The following ADAP1 variants were observed in gnomAD, a reference collection of about 807,000 sequenced individuals.
ADAP1 encodes the protein ArfGAP with dual PH domains 1.
In ADAP1, 31 loss-of-function variants were observed where a neutral mutation model predicts 54.9. The ratio of observed to expected loss-of-function variants is 0.56; its 90% CI spans 0.42 to 0.76. The LOEUF (loss-of-function observed/expected upper bound fraction) is 0.76, where lower values mean the gene tolerates loss of function less well. ADAP1 is among the 30% of genes least tolerant of loss of function. The pLI is 0.00. For missense variants in ADAP1, 535 were observed against 512.4 expected, an observed-to-expected ratio of 1.04 and a Z score of -0.42; for synonymous variants, 313 against 202.6, an observed-to-expected ratio of 1.55 and a Z score of -4.63.
rs1223032714 is a variant in ADAP1, at chr7:898,129, G to A, written c.*792C>T. 1.3e-5 allele frequency: 2 copies of A among 152,346 alleles called. No individual in the cohort carries two copies. Among genetic ancestry groups the A allele is most frequent in the African/African-American group, 2.4e-5 (1 of 41,464 alleles). The allele number at this position is 152,346 out of a possible 1,614,324, so 9.4% of individuals were successfully genotyped here. A position where few individuals can be genotyped will look rare whatever the true frequency, so the allele number is the denominator to read the frequency against. The stretch of plus-strand genomic sequence containing the variant: ...CCTGGAGCCCGGCCTGCCTTGACAG[G>A]AAGGAGATAGGTGAAAAATAAATAC... On this transcript the variant is annotated 3_prime_UTR_variant, in exon 11 of 11. Transcript: ENST00000265846.
chr7:927,319 C>A (rs370637086), intron 2 of ADAP1: 13 of 1,107,996 alleles, frequency 1.2e-5, no homozygotes, highest in East Asian at 1.2e-4. Flanking sequence ...GGCGCAAAGG[C>A]CCTGAGGGTG....
At chr7:951,097 A>G (rs1461253973) in intron 1 of ADAP1, among the ~76,000 whole-genome samples, 3 of 152,056 alleles carry the variant, frequency 2.0e-5, no homozygotes, top group Non-Finnish European at 4.4e-5. Flanking sequence ...AAATCCGGCC[A>G]GGCGCGGTGG....
At chr7:941,216 A>G (rs1846931232) in intron 1 of ADAP1, among the ~76,000 whole-genome samples, 1 of 152,220 alleles carries the variant, frequency 6.6e-6, no homozygotes, top group South Asian at 2.1e-4. Flanking sequence ...TTCAAGGGAG[A>G]ATGACTGACT....
At chr7:925,394 G>T (rs1441789605) in intron 3 of ADAP1, among the ~76,000 whole-genome samples, 2 of 148,974 alleles carry the variant, frequency 1.3e-5, no homozygotes, top group Non-Finnish European at 3.0e-5. Context: ...GGCCCAGGAT[G>T]GTGTGTAGGG....
chr7:947,473 G>A (rs977727031), intron 1 of ADAP1, among the ~76,000 whole-genome samples: 26 of 152,118 alleles, frequency 1.7e-4, no homozygotes, highest in African/African-American at 6.0e-4. Flanking sequence ...GGCGGCCACC[G>A]TGGCTTCTCA....
rs1845372706 is a variant in ADAP1, at chr7:906,567, GA to G, written c.389-1396del. 3.8e-5 allele frequency among the ~76,000 whole-genome samples: 2 copies of G among 52,962 alleles called. 1 individual carries two copies. The highest frequency in any genetic ancestry group is 8.2e-5 in the Non-Finnish European group (2 of 24,396). The allele number at this position is 52,962 out of a possible 152,430, so 34.7% of individuals were successfully genotyped here. On this transcript the variant is annotated intron_variant, in intron 4 of 10. Transcript: ENST00000265846. ...AAGGGAGAAAGGGAGAAAGGGAAAG[GA>G]GAAAGGGAAAGGAGAAAGGAGAAAG...
chr7:920,421 C>A lies in ADAP1; in HGVS notation c.306-371G>T, dbSNP rs113717663. ...CCAGGCCCCCCCACCCCGAGTCACA[C>A]GCCCCTGGGCCCTCCCCGACCCTCC... On this transcript the variant is annotated intron_variant, in intron 3 of 10. Coordinates refer to ENST00000265846, the MANE Select transcript of ADAP1 (RefSeq NM_006869.4). The surrounding 1 kb of genome is among the most constrained non-coding windows in gnomAD (Gnocchi z 4.5). 6.7e-6 allele frequency among the ~76,000 whole-genome samples: 1 copy of A among 149,698 alleles called. No homozygotes were observed. Among genetic ancestry groups the A allele is most frequent in the Non-Finnish European group, 1.5e-5 (1 of 67,492 alleles).
At chr7:950,485 CAAAAAA>C (rs59360722) in intron 1 of ADAP1, among the ~76,000 whole-genome samples, 1 of 93,114 alleles carries the variant, frequency 1.1e-5, no homozygotes, top group Admixed American at 1.2e-4. Context: ...GACTCTGCCT[CAAAAAA>C]AAAAAAAAAA....
intron 1 of ADAP1, among the ~76,000 whole-genome samples, chr7:940,976 G>A (rs969438556): frequency 6.6e-6 from 1 of 151,840 alleles, no homozygotes. Flanking sequence ...ATTTGATATA[G>A]AGGATTCAAC....
chr7:905,359 GGAAAGGGAAAGGGAAAGGAGAAAGGA>G (rs878942352), intron 4 of ADAP1, 187 bp from the exon 5 acceptor site: 1,703 of 151,718 alleles, frequency 0.011, 319 homozygotes, highest in South Asian at 0.05. Context: ...AGATGGGCAG[GGAAAGGGAAAGGGAAAGGAGAAAGGA>G]GAAAGGAGAA....
intron 10 of ADAP1, 28 bp from the exon 11 acceptor site, chr7:898,977 C>G (rs1317310970): frequency 6.2e-7 from 1 of 1,611,384 alleles, no homozygotes; most frequent in Non-Finnish European, 8.5e-7. Context: ...CCAGCGTTGT[C>G]ACAGCGGCGG....
At chr7:947,080 C>G (rs1429739789) in intron 1 of ADAP1, among the ~76,000 whole-genome samples, 1 of 151,992 alleles carries the variant, frequency 6.6e-6, no homozygotes, top group Non-Finnish European at 1.5e-5. Context: ...GTCTCTGTCA[C>G]TCAGGCTGGA....
chr7:900,964 G>A (rs1425722263), intron 6 of ADAP1: 4 of 537,396 alleles, frequency 7.4e-6, no homozygotes, highest in Non-Finnish European at 1.5e-5. Flanking sequence ...CTGGGGCCTG[G>A]GCCAACTTGC....
At position 905,048 on chromosome 7, in the gene ADAP1, T is replaced by G; in HGVS notation, c.501+12A>C. Reference sequence around the variant, plus strand: ...GGGACAGGCCCCCACCCCACCCCCGTCTGTGACTCACATCATTTCTGTTGA... The same window carrying G: ...GGGACAGGCCCCCACCCCACCCCCGGCTGTGACTCACATCATTTCTGTTGA... On this transcript the variant is annotated intron_variant, in intron 5 of 10. Coordinates refer to ENST00000265846, the MANE Select transcript of ADAP1 (RefSeq NM_006869.4). 1 of 1,607,410 alleles carries G rather than the reference T, an allele frequency of 6.2e-7. No individual in the cohort carries two copies. The highest frequency in any genetic ancestry group is 8.5e-7 in the Non-Finnish European group (1 of 1,178,528).
At chr7:942,436 G>A (rs1302201833) in intron 1 of ADAP1, among the ~76,000 whole-genome samples, 52 of 85,762 alleles carry the variant, frequency 6.1e-4, no homozygotes, top group Non-Finnish European at 7.8e-4. Flanking sequence ...GAGGAGGAAG[G>A]GAGAGAGGAG....
intron 4 of ADAP1, among the ~76,000 whole-genome samples, chr7:912,789 T>C (rs535120519): frequency 6.6e-6 from 1 of 151,114 alleles, no homozygotes; most frequent in South Asian, 2.1e-4. Context: ...CAACCTCCGC[T>C]TCCCAGGTTC....
chr7:910,815 C>A (rs147246482), intron 4 of ADAP1, among the ~76,000 whole-genome samples: 1 of 152,072 alleles, frequency 6.6e-6, no homozygotes, highest in South Asian at 2.1e-4. Flanking sequence ...AGAACGGGGC[C>A]GAGGCCCTGA....
chr7:932,201 C>T (rs780429253), intron 2 of ADAP1, among the ~76,000 whole-genome samples: 2 of 152,184 alleles, frequency 1.3e-5, no homozygotes, highest in Admixed American at 6.5e-5. Flanking sequence ...AAGGCCCCAT[C>T]GCACCAGACC....
intron 1 of ADAP1, among the ~76,000 whole-genome samples, chr7:943,917 C>T (rs1358675724): frequency 1.3e-5 from 2 of 151,210 alleles, no homozygotes; most frequent in Non-Finnish European, 3.0e-5. Context: ...AGAATTATTA[C>T]TATTATTATT....
Sources: allele counts gnomAD v4.1 joint callset (sites outside exome capture counted in the v4.1 genomes callset), GRCh38; gene constraint gnomAD v4.1.1; non-coding constraint Gnocchi (gnomAD v3.1); transcripts MANE v1.5; gene names NCBI Gene and HGNC (gene_info 2026-07-23, HGNC 2026-07-21).